Variants in RAB22A observed in about 807,000 individuals in gnomAD.
RAB22A encodes the protein ras-related protein Rab-22A.
Under a neutral mutation model 30.2 loss-of-function variants are expected in RAB22A, and 13 were observed. The ratio of observed to expected loss-of-function variants is 0.43; its 90% CI spans 0.28 to 0.68. RAB22A has a LOEUF of 0.68. RAB22A is among the 30% of genes least tolerant of loss of function. The pLI is 0.18. For missense variants in RAB22A, 177 were observed against 246.8 expected (o/e 0.72, Z 1.89); for synonymous variants, 89 against 87.2 (o/e 1.02, Z -0.11).
intron 2 of RAB22A, among the ~76,000 whole-genome samples, chr20:58,330,349 ACTTT>A (rs1233032961): frequency 1.3e-5 from 2 of 152,070 alleles, no homozygotes; most frequent in East Asian, 1.9e-4. Flanking sequence ...ACTCAATATG[ACTTT>A]CTTTAAGTCT....
intron 2 of RAB22A, 96 bp from the exon 3 acceptor site, chr20:58,343,622 G>A: frequency 1.1e-6 from 1 of 883,634 alleles, no homozygotes; most frequent in Non-Finnish European, 1.8e-6. Flanking sequence ...GGTGCTGGGA[G>A]ACTGAGCGTT....
intron 6 of RAB22A, among the ~76,000 whole-genome samples, chr20:58,356,614 CTGGT>C (rs1420388981): frequency 6.6e-6 from 1 of 152,198 alleles, no homozygotes; most frequent in Non-Finnish European, 1.5e-5. Flanking sequence ...GCTTGGCACT[CTGGT>C]TGGGACATGG....
chr20:58,314,510 G>C (rs1986296837), intron 2 of RAB22A, among the ~76,000 whole-genome samples: 1 of 152,200 alleles, frequency 6.6e-6, no homozygotes, highest in Non-Finnish European at 1.5e-5. Flanking sequence ...TAGCAGCACT[G>C]ACATTTAAAT....
chr20:58,332,844 G>A (rs1181098569), intron 2 of RAB22A, among the ~76,000 whole-genome samples: 1 of 151,974 alleles, frequency 6.6e-6, no homozygotes, highest in African/African-American at 2.4e-5. Flanking sequence ...GAAATAAAGA[G>A]CAGATCTTAA....
chr20:58,351,110 C>T (rs1276695442), intron 3 of RAB22A, among the ~76,000 whole-genome samples: 1 of 152,104 alleles, frequency 6.6e-6, no homozygotes, highest in African/African-American at 2.4e-5. Flanking sequence ...AAGGCCACGA[C>T]AGGTAGATTT....
chr20:58,336,135 G>C (rs1404236076), intron 2 of RAB22A, among the ~76,000 whole-genome samples: 1 of 152,012 alleles, frequency 6.6e-6, no homozygotes, highest in Non-Finnish European at 1.5e-5. Flanking sequence ...TCAGCCTCCT[G>C]AGTAGCTGGA....
At chr20:58,342,597 G>T (rs1027537835) in intron 2 of RAB22A, among the ~76,000 whole-genome samples, 3 of 150,186 alleles carry the variant, frequency 2.0e-5, no homozygotes, top group Non-Finnish European at 4.4e-5. Flanking sequence ...TCAATGTCCT[G>T]ATTGGAGTGA....
Position 58,316,057 on chromosome 20 carries a change from A to G in RAB22A, c.116+4935A>G, listed in dbSNP as rs149594130. Among the ~76,000 whole-genome samples the G allele has an allele frequency of 4.7e-3, 710 of 151,820 alleles. 9 individuals carry two copies. The highest frequency in any genetic ancestry group is 0.016 in the African/African-American group (655 of 41,408). On this transcript the variant is annotated intron_variant, in intron 2 of 6. Coordinates refer to ENST00000244040, the MANE Select transcript of RAB22A (RefSeq NM_020673.3). ...CACACCTGGGTTTTTGGCACATGCT[A>G]TTCTCTCTCAGGGCCCTTTCTTTTC...
chr20:58,343,851 C>G (rs1174492680), intron 3 of RAB22A, 52 bp downstream of exon 3: 1 of 1,378,490 alleles, frequency 7.3e-7, no homozygotes, highest in Non-Finnish European at 1.0e-6. Flanking sequence ...ATGAAAGTTC[C>G]AACTAAACTG....
intron 3 of RAB22A, among the ~76,000 whole-genome samples, chr20:58,350,459 G>A (rs1413119531): frequency 2.0e-5 from 3 of 152,190 alleles, no homozygotes; most frequent in East Asian, 3.8e-4. Flanking sequence ...CAACAAATCT[G>A]TAAGTTCAAA....
intron 2 of RAB22A, among the ~76,000 whole-genome samples, chr20:58,340,750 G>A (rs952951452): frequency 2.0e-5 from 3 of 152,198 alleles, no homozygotes; most frequent in Non-Finnish European, 4.4e-5. Flanking sequence ...TGTGAAAGCT[G>A]CTCTAAAGAC....
At chr20:58,350,103 A>G (rs903418375) in intron 3 of RAB22A, among the ~76,000 whole-genome samples, 2 of 141,028 alleles carry the variant, frequency 1.4e-5, no homozygotes. Flanking sequence ...CTCTTAAGGG[A>G]AAAAAAAAAG....
intron 2 of RAB22A, among the ~76,000 whole-genome samples, chr20:58,333,730 A>G (rs1428427592): frequency 6.6e-6 from 1 of 152,212 alleles, no homozygotes; most frequent in Non-Finnish European, 1.5e-5. Flanking sequence ...AGAGACACAC[A>G]GAGAGGTATA....
At chr20:58,344,127 C>CA (rs1481239272) in intron 3 of RAB22A, among the ~76,000 whole-genome samples, 2 of 152,168 alleles carry the variant, frequency 1.3e-5, no homozygotes, top group Non-Finnish European at 2.9e-5. Context: ...ATATATAAAG[C>CA]AATTAGTGGT....
At chr20:58,313,956 T>C (rs1986283116) in intron 2 of RAB22A, among the ~76,000 whole-genome samples, 1 of 152,340 alleles carries the variant, frequency 6.6e-6, no homozygotes, top group East Asian at 1.9e-4. Flanking sequence ...GCAAGTTTGC[T>C]GACCCCGATC....
Position 58,321,952 on chromosome 20 carries a change from CCA to C in RAB22A, c.116+10833_116+10834del. Among the ~76,000 whole-genome samples, 5 of 152,328 alleles carry C rather than the reference CCA, an allele frequency of 3.3e-5. No individual in the cohort carries two copies. In the East Asian group the frequency reaches 9.6e-4, roughly 29 times the overall value. ...AATAATAGGACCACAGGTGTACTCA[CCA>C]CATCTGGCTAATTTTTTTCATTTTT... On this transcript the variant is annotated intron_variant, in intron 2 of 6. Coordinates refer to ENST00000244040, the MANE Select transcript of RAB22A (RefSeq NM_020673.3).
intron 6 of RAB22A, among the ~76,000 whole-genome samples, chr20:58,356,374 A>G (rs1987130027): frequency 1.3e-5 from 2 of 152,180 alleles, no homozygotes; most frequent in African/African-American, 4.8e-5. Context: ...TATAAAAACT[A>G]GTATGTACAT....
intron 2 of RAB22A, among the ~76,000 whole-genome samples, chr20:58,342,091 A>G (rs1246629510): frequency 6.6e-6 from 1 of 152,234 alleles, no homozygotes; most frequent in Non-Finnish European, 1.5e-5. Context: ...CACATACATC[A>G]TCTCATTTAA....
chr20:58,344,612 G>T (rs1476988005), intron 3 of RAB22A, among the ~76,000 whole-genome samples: 2 of 152,258 alleles, frequency 1.3e-5, no homozygotes, highest in South Asian at 4.1e-4. Context: ...CAAACAGTAC[G>T]ATCCAAACAG....
Sources: allele counts gnomAD v4.1 joint callset (sites outside exome capture counted in the v4.1 genomes callset), GRCh38; gene constraint gnomAD v4.1.1; transcripts MANE v1.5; gene names NCBI Gene and HGNC (gene_info 2026-07-23, HGNC 2026-07-21).